Variants in DSCAM observed in about 807,000 individuals in gnomAD.
DSCAM encodes the protein cell adhesion molecule DSCAM.
DSCAM carries 47 observed loss-of-function variants against 217.7 expected under a neutral mutation model. The observed-to-expected ratio is 0.22, with a 90% CI of 0.17 to 0.28. The LOEUF is 0.28. DSCAM is among the 10% of genes least tolerant of loss of function. The pLI is 1.00. For synonymous variants in DSCAM, 1,056 were observed against 1,015.3 expected (o/e 1.04, Z -0.76); for missense variants, 2,080 against 2,618.3 (o/e 0.79, Z 4.49).
chr21:40,721,728 A>C (rs1350609069), intron 1 of DSCAM, among the ~76,000 whole-genome samples: 12 of 152,146 alleles, frequency 7.9e-5, no homozygotes, highest in Non-Finnish European at 1.8e-4. Flanking sequence ...GAGTTCTAGG[A>C]TGAAAATGAG....
chr21:40,301,702 T>C (rs1298896276), intron 9 of DSCAM, among the ~76,000 whole-genome samples: 2 of 152,226 alleles, frequency 1.3e-5, no homozygotes, highest in Non-Finnish European at 1.5e-5. Flanking sequence ...GGCCATGGCA[T>C]GCCCAGCGCA....
rs541436690 is a variant in DSCAM at position 40,242,848 on chromosome 21, A to G, written c.2356+33249T>C. On this transcript the variant is annotated intron_variant, in intron 11 of 32. Coordinates refer to ENST00000400454, the MANE Select transcript of DSCAM (RefSeq NM_001389.5). ...AGCAGGTTGCTGCGTACTGAGCAGAACCCTCTATCCTCACTGGCACAGGAC... is the reference window on the plus strand; with the variant it reads ...AGCAGGTTGCTGCGTACTGAGCAGAGCCCTCTATCCTCACTGGCACAGGAC... 3.9e-5 allele frequency among the ~76,000 whole-genome samples: 6 copies of G among 152,238 alleles called. No homozygotes were observed. In the South Asian group the frequency reaches 1.2e-3, roughly 32 times the overall value.
chr21:40,210,355 C>A (rs1211195919), intron 11 of DSCAM, among the ~76,000 whole-genome samples: 1 of 152,116 alleles, frequency 6.6e-6, no homozygotes, highest in African/African-American at 2.4e-5. Flanking sequence ...TTGGCATTTA[C>A]TTTTACAAAG....
intron 9 of DSCAM, 69 bp from the exon 10 acceptor site, chr21:40,296,243 A>G: frequency 6.6e-7 from 1 of 1,517,800 alleles, no homozygotes; most frequent in Admixed American, 1.9e-5. Flanking sequence ...TGATTCTAAG[A>G]AACTGAATCA....
chr21:40,761,401 C>CT (rs2091333919), intron 1 of DSCAM, among the ~76,000 whole-genome samples: 1 of 145,466 alleles, frequency 6.9e-6, no homozygotes. Flanking sequence ...CGCCCTCCCT[C>CT]TTTTTTTCTC....
chr21:40,161,879 AC>A (rs1228809346), intron 16 of DSCAM, among the ~76,000 whole-genome samples: 3 of 152,152 alleles, frequency 2.0e-5, no homozygotes, highest in Non-Finnish European at 4.4e-5. Flanking sequence ...TTTCAAGGCA[AC>A]CTTTTTGAAT....
intron 18 of DSCAM, among the ~76,000 whole-genome samples, chr21:40,136,956 C>T (rs139906789): frequency 7.4e-4 from 113 of 152,090 alleles, no homozygotes; most frequent in African/African-American, 2.5e-3. Context: ...GGGTGGATCA[C>T]GAGGTCAAGA....
intron 8 of DSCAM, among the ~76,000 whole-genome samples, chr21:40,332,729 G>T (rs1404543163): frequency 6.6e-6 from 1 of 152,024 alleles, no homozygotes; most frequent in African/African-American, 2.4e-5. Context: ...TTGCACTTCT[G>T]GATAGTTACA....
rs150583111 is a variant in DSCAM, at chr21:40,507,598, C to A, written c.509-138353G>T. Among the ~76,000 whole-genome samples, 406 of 152,078 alleles carry A rather than the reference C, an allele frequency of 2.7e-3. 2 individuals are homozygous for A. The highest frequency in any genetic ancestry group is 4.6e-3 in the Non-Finnish European group (310 of 68,002). ...TCGAGCTCAGGAGTTTGAGACCAGC[C>A]TGGGGAACATGGTGAAACCCCTCTC... On this transcript the variant is annotated intron_variant, in intron 3 of 32. Transcript: ENST00000400454.
At chr21:40,518,511 T>TATA (rs2076330196) in intron 3 of DSCAM, among the ~76,000 whole-genome samples, 22 of 14,268 alleles carry the variant, frequency 1.5e-3, no homozygotes, top group African/African-American at 0.012. Context: ...ATATATATAA[T>TATA]ATATATAATA....
intron 21 of DSCAM, among the ~76,000 whole-genome samples, chr21:40,091,905 T>A (rs2089615422): frequency 6.6e-6 from 1 of 152,054 alleles, no homozygotes; most frequent in Non-Finnish European, 1.5e-5. Context: ...ACTGGGTCCG[T>A]CCCATGACAC....
intron 1 of DSCAM, among the ~76,000 whole-genome samples, chr21:40,831,514 A>T (rs1468846466): frequency 6.6e-6 from 1 of 152,236 alleles, no homozygotes. Context: ...GCTCAAACTG[A>T]TACAAAACTC....
chr21:40,061,906 C>T (rs887377342), intron 28 of DSCAM, among the ~76,000 whole-genome samples: 6 of 152,202 alleles, frequency 3.9e-5, no homozygotes, highest in Non-Finnish European at 8.8e-5. Context: ...AGTTCACTAT[C>T]GGAGTCCTTG....
intron 14 of DSCAM, among the ~76,000 whole-genome samples, chr21:40,181,719 GCAAATTATTGACTTGA>G (rs2090804091): frequency 6.8e-6 from 1 of 146,356 alleles, no homozygotes. Flanking sequence ...AGACCTTCTG[GCAAATTATTGACTTGA>G]CAATGCACAG....
At chr21:40,804,864 G>A (rs180899785) in intron 1 of DSCAM, among the ~76,000 whole-genome samples, 179 of 152,138 alleles carry the variant, frequency 1.2e-3, no homozygotes, top group African/African-American at 4.0e-3. Context: ...TTAACTTCCC[G>A]CTGCTACATT....
At chr21:40,783,090 C>T (rs762483688) in intron 1 of DSCAM, among the ~76,000 whole-genome samples, 1 of 152,164 alleles carries the variant, frequency 6.6e-6, no homozygotes, top group African/African-American at 2.4e-5. Flanking sequence ...AAATTCTTTA[C>T]AGAAAAGAGA....
At chr21:40,646,281 G>A (rs950206624) in intron 3 of DSCAM, among the ~76,000 whole-genome samples, 11 of 151,972 alleles carry the variant, frequency 7.2e-5, no homozygotes, top group Non-Finnish European at 1.5e-4. Flanking sequence ...TGGGTGTGGT[G>A]GCATGCACCT....
At chr21:40,560,484 C>T (rs1042501353) in intron 3 of DSCAM, among the ~76,000 whole-genome samples, 2 of 152,182 alleles carry the variant, frequency 1.3e-5, no homozygotes, top group African/African-American at 4.8e-5. Context: ...CCGTACTGAA[C>T]CAGGTTTGCA....
At chr21:40,794,288 T>C (rs1297363681) in intron 1 of DSCAM, among the ~76,000 whole-genome samples, 3 of 152,176 alleles carry the variant, frequency 2.0e-5, no homozygotes, top group African/African-American at 7.2e-5. Flanking sequence ...ATCTTATTTA[T>C]AATTAATTCA....
Sources: allele counts gnomAD v4.1 joint callset (sites outside exome capture counted in the v4.1 genomes callset), GRCh38; gene constraint gnomAD v4.1.1; transcripts MANE v1.5; gene names NCBI Gene and HGNC (gene_info 2026-07-23, HGNC 2026-07-21).